The following SKAP1 variants were observed in gnomAD, a reference collection of about 807,000 sequenced individuals.
SKAP1 encodes the protein src kinase associated phosphoprotein 1.
A neutral mutation model predicts 58.5 loss-of-function variants in SKAP1; 44 were observed. The ratio of observed to expected loss-of-function variants is 0.75; its 90% CI spans 0.59 to 0.97. The LOEUF is 0.97. Among genes scored for constraint, SKAP1 ranks in the 50% least tolerant of loss-of-function variants. The pLI is 0.00. For synonymous variants in SKAP1, 127 were observed against 149.7 expected (o/e 0.85, Z 1.11); for missense variants, 390 against 435.2 (o/e 0.90, Z 0.92).
At chr17:48,318,465 C>G (rs1849388028) in intron 4 of SKAP1, among the ~76,000 whole-genome samples, 1 of 152,180 alleles carries the variant, frequency 6.6e-6, no homozygotes, top group South Asian at 2.1e-4. Flanking sequence ...AAGCTACTTA[C>G]ACAATTTGCT....
chr17:48,320,319 A>G (rs1029165119), intron 4 of SKAP1, among the ~76,000 whole-genome samples: 11 of 152,206 alleles, frequency 7.2e-5, no homozygotes, highest in African/African-American at 2.7e-4. Context: ...ATAAATCAGT[A>G]ATATTATCTT....
intron 11 of SKAP1, among the ~76,000 whole-genome samples, chr17:48,148,232 T>C (rs1166333734): frequency 6.6e-6 from 1 of 152,036 alleles, no homozygotes; most frequent in Non-Finnish European, 1.5e-5. Flanking sequence ...TGTGTGCAAG[T>C]GTATGTGACA....
intron 1 of SKAP1, among the ~76,000 whole-genome samples, chr17:48,426,882 C>T (rs1486410051): frequency 6.6e-6 from 1 of 151,812 alleles, no homozygotes; most frequent in African/African-American, 2.4e-5. Flanking sequence ...CCTTCCATAC[C>T]CCTCAGGGCT....
chr17:48,326,408 T>C (rs747196960), intron 4 of SKAP1, among the ~76,000 whole-genome samples: 2 of 152,202 alleles, frequency 1.3e-5, no homozygotes, highest in African/African-American at 4.8e-5. Flanking sequence ...GGAAGCTCTA[T>C]AGGTCAAATG....
chr17:48,308,748 C>T (rs572844594), intron 4 of SKAP1: 16 of 152,168 alleles, frequency 1.1e-4, no homozygotes, highest in African/African-American at 3.1e-4. Context: ...GGGCAAGTTT[C>T]GTTTTCCTTA....
chr17:48,360,127 TG>T (rs1186758747), intron 3 of SKAP1, among the ~76,000 whole-genome samples: 7 of 152,230 alleles, frequency 4.6e-5, no homozygotes, highest in Non-Finnish European at 8.8e-5. Flanking sequence ...AAATGTAATG[TG>T]AGTGACCACT....
intron 9 of SKAP1, among the ~76,000 whole-genome samples, chr17:48,171,504 T>C (rs2143376776): frequency 6.6e-6 from 1 of 152,284 alleles, no homozygotes; most frequent in South Asian, 2.1e-4. Flanking sequence ...GAAGTGCTCA[T>C]TACATGCAAG....
At chr17:48,348,721 C>T (rs559930242) in intron 3 of SKAP1, among the ~76,000 whole-genome samples, 1 of 152,312 alleles carries the variant, frequency 6.6e-6, no homozygotes, top group South Asian at 2.1e-4. Flanking sequence ...TTTTTAAAGT[C>T]TTACCCAAAA....
chr17:48,329,986 A>G (rs759121724), intron 4 of SKAP1, among the ~76,000 whole-genome samples: 3 of 152,230 alleles, frequency 2.0e-5, no homozygotes, highest in Non-Finnish European at 4.4e-5. Flanking sequence ...CATTCAATAA[A>G]TTTATTATAG....
intron 1 of SKAP1, among the ~76,000 whole-genome samples, chr17:48,415,556 T>C (rs1278947702): frequency 6.6e-6 from 1 of 152,186 alleles, no homozygotes; most frequent in Non-Finnish European, 1.5e-5. Flanking sequence ...CTAAGCCTGT[T>C]GGTTGGCAGT....
chr17:48,204,977 C>CTTTCTTTCTTTCTT (rs1555602802), intron 4 of SKAP1, among the ~76,000 whole-genome samples: 5 of 69,406 alleles, frequency 7.2e-5, no homozygotes, highest in African/African-American at 2.2e-4. Flanking sequence ...CTTTTCTTTT[C>CTTTCTTTCTTTCTT]TTTCTTTCTT....
At chr17:48,255,043 G>A (rs182416223) in intron 4 of SKAP1, among the ~76,000 whole-genome samples, 12 of 152,144 alleles carry the variant, frequency 7.9e-5, no homozygotes, top group Admixed American at 7.9e-4. Flanking sequence ...TCCCCTGGAT[G>A]GGCTAGTACT....
chr17:48,251,045 C>T (rs180959956), intron 4 of SKAP1, among the ~76,000 whole-genome samples: 3 of 152,284 alleles, frequency 2.0e-5, no homozygotes, highest in Admixed American at 6.5e-5. Flanking sequence ...TCCTTTAATT[C>T]GGTTAAACAT....
intron 4 of SKAP1, among the ~76,000 whole-genome samples, chr17:48,297,930 C>G (rs915335631): frequency 6.6e-6 from 1 of 152,120 alleles, no homozygotes; most frequent in African/African-American, 2.4e-5. Context: ...GGGAAAAGGT[C>G]CAAGAAGGGA....
chr17:48,162,879 A>C (rs2064088276), intron 10 of SKAP1, among the ~76,000 whole-genome samples: 1 of 152,242 alleles, frequency 6.6e-6, no homozygotes, highest in Admixed American at 6.5e-5. Flanking sequence ...GTAAGTAAGC[A>C]GTGCAGAGGT....
intron 6 of SKAP1, among the ~76,000 whole-genome samples, chr17:48,187,237 CTTGA>C (rs1365681855): frequency 6.6e-6 from 1 of 152,158 alleles, no homozygotes; most frequent in Admixed American, 6.5e-5. Flanking sequence ...TGAGTGTTGA[CTTGA>C]TTAAGTCAGT....
intron 4 of SKAP1, among the ~76,000 whole-genome samples, chr17:48,195,660 A>G (rs2064616759): frequency 6.6e-6 from 1 of 152,244 alleles, no homozygotes; most frequent in Admixed American, 6.5e-5. Flanking sequence ...TTCTTCAACA[A>G]GCTGTGATGT....
the SKAP1 span, among the ~76,000 whole-genome samples, chr17:48,444,127 A>G: frequency 1.0e-5 from 1 of 99,088 alleles, no homozygotes; most frequent in Non-Finnish European, 2.8e-5. Context: ...GGGCGCAGTG[A>G]CTCACGCCTG....
At chr17:48,317,461 A>C (rs1051292941) in intron 4 of SKAP1, among the ~76,000 whole-genome samples, 7 of 152,240 alleles carry the variant, frequency 4.6e-5, no homozygotes, top group African/African-American at 1.7e-4. Context: ...GAAGAAATGA[A>C]AGTGCTCAAA....
Sources: gnomAD v4.1 joint callset for allele counts (sites outside exome capture counted in the v4.1 genomes callset) on GRCh38, gnomAD v4.1.1 for gene constraint, MANE v1.5 for transcripts, NCBI Gene and HGNC (gene_info 2026-07-23, HGNC 2026-07-21) for gene names.